FLT3: variants seen among roughly 807,000 people sequenced by gnomAD.
The protein encoded by FLT3 is receptor-type tyrosine-protein kinase FLT3.
Under a neutral mutation model 126.6 loss-of-function variants are expected in FLT3, and 46 were observed. That is an observed-to-expected ratio of 0.36 (90% CI 0.29 to 0.46). FLT3 has a LOEUF of 0.46. FLT3 is among the 20% of genes least tolerant of loss of function. The pLI, the probability that FLT3 is intolerant of heterozygous loss-of-function variation, is 1.00. For synonymous variants in FLT3, 404 were observed against 434.4 expected, an observed-to-expected ratio of 0.93 and a Z score of 0.87; for missense variants, 1,069 against 1,190.3, an observed-to-expected ratio of 0.90 and a Z score of 1.50.
intron 1 of FLT3, among the ~76,000 whole-genome samples, chr13:28,092,408 C>A (rs1879172453): frequency 6.6e-6 from 1 of 151,990 alleles, no homozygotes; most frequent in South Asian, 2.1e-4. Context: ...GCTCTACCAC[C>A]CAGGCTGGAG....
intron 5 of FLT3, among the ~76,000 whole-genome samples, chr13:28,050,838 A>AT (rs67915976): frequency 8.5e-4 from 63 of 74,540 alleles, no homozygotes; most frequent in Admixed American, 4.9e-3. Context: ...ATTTGGTCCT[A>AT]TTTTAAAAAA....
intron 9 of FLT3, among the ~76,000 whole-genome samples, chr13:28,044,902 A>C (rs1009693534): frequency 2.0e-5 from 3 of 152,218 alleles, no homozygotes; most frequent in Non-Finnish European, 4.4e-5. Flanking sequence ...TTCATTTATT[A>C]AACACACTTA....
At chr13:28,022,317 G>T (rs1399701465) in intron 19 of FLT3, among the ~76,000 whole-genome samples, 1 of 152,076 alleles carries the variant, frequency 6.6e-6, no homozygotes, top group Non-Finnish European at 1.5e-5. Flanking sequence ...TTCAAGACCA[G>T]CCTGGGCAAC....
chr13:28,057,423 G>C lies in FLT3; in HGVS notation c.408C>G (p.Thr136=). ...VSMVILKMTE[T]QAGEYLLFIQ... is the part of the protein sequence containing the mutation. ...TAAAAAGTAGGTATTCTCCAGCTTG[G>C]GTTTCTGTCATTTTCAAAATGACCA... Residue 136 remains threonine, a synonymous_variant, in exon 4 of 24, where the codon ACC becomes ACG. Transcript: ENST00000241453. 1 of 1,582,646 alleles carries C rather than the reference G, an allele frequency of 6.3e-7. No individual in the cohort carries two copies. Among genetic ancestry groups the C allele is most frequent in the Non-Finnish European group, 8.7e-7 (1 of 1,151,406 alleles).
intron 21 of FLT3, 74 bp downstream of exon 21, chr13:28,015,516 G>T: frequency 3.8e-6 from 3 of 797,760 alleles, no homozygotes; most frequent in Non-Finnish European, 2.1e-6. Context: ...GTTGGGGGGA[G>T]GGGTGGGGCG....
In FLT3 at chr13:28,018,587, A is replaced by G. The variant is rs751383392; in HGVS notation, c.2421T>C (p.Cys807=). The G allele has an allele frequency of 5.1e-5, 82 of 1,613,994 alleles. No individual in the cohort carries two copies. Among genetic ancestry groups the G allele is most frequent in the Admixed American group, 8.3e-5 (5 of 59,998 alleles). Residue 807 remains cysteine, a splice_region_variant and synonymous_variant, in exon 20 of 24, where the codon TGT becomes TGC. Transcript: ENST00000241453. ...TCCTGGCGGCCAGGTCTCTGTGAAC[A>G]CACTGTCAAGAATGACACCAGAGTG... ...KGMEFLEFKS[C]VHRDLAARNV... is the part of the protein sequence containing the mutation.
chr13:28,015,807 T>C, intron 20 of FLT3, 106 bp from the exon 21 acceptor site: 2 of 687,266 alleles, frequency 2.9e-6, no homozygotes, highest in South Asian at 3.4e-5. Flanking sequence ...AGACCACTCT[T>C]AATGCCTTAT....
chr13:28,044,693 AC>A (rs1874702911), intron 9 of FLT3, among the ~76,000 whole-genome samples: 1 of 152,150 alleles, frequency 6.6e-6, no homozygotes, highest in Admixed American at 6.5e-5. Context: ...AACACCTGGT[AC>A]ATTATCAGTA....
chr13:28,091,425 G>T (rs1326704179), intron 1 of FLT3, among the ~76,000 whole-genome samples: 3 of 149,894 alleles, frequency 2.0e-5, no homozygotes, highest in Admixed American at 1.3e-4. Flanking sequence ...GTTTCACCGT[G>T]TTAGCCAGGA....
intron 18 of FLT3, among the ~76,000 whole-genome samples, chr13:28,024,364 C>T (rs954037117): frequency 2.0e-5 from 3 of 151,984 alleles, no homozygotes; most frequent in Non-Finnish European, 4.4e-5. Flanking sequence ...AACTCCTGAC[C>T]TCAGGTGACC....
At chr13:28,008,296 A>AG (rs1423032630) in intron 23 of FLT3, among the ~76,000 whole-genome samples, 1 of 150,912 alleles carries the variant, frequency 6.6e-6, no homozygotes, top group East Asian at 1.9e-4. Flanking sequence ...AAAAAAAAAA[A>AG]AGGAAAAAAA....
rs1876614044 is a variant in FLT3 at position 28,062,027 on chromosome 13, G to A, written c.208C>T (p.Gln70Ter). The A allele has an allele frequency of 1.9e-6, 3 of 1,612,858 alleles. No homozygotes were observed. Among genetic ancestry groups the A allele is most frequent in the Non-Finnish European group, 2.5e-6 (3 of 1,179,976 alleles). Residue 70 changes from glutamine (Q) to a stop codon, truncating the protein, a stop_gained, in exon 3 of 24, where the codon CAG becomes TAG. Coordinates refer to ENST00000241453, the MANE Select transcript of FLT3 (RefSeq NM_004119.3). LOFTEE classifies it high-confidence loss of function. ...PEDLGCALRP[Q>*]SSGTVYEAAA... ...GCTTCGTACACTGTCCCTGAGCTCT[G>A]GGGTCTCAACGCACACCCGAGGTCT...
At chr13:28,050,561 AAGAG>A (rs1027085678) in intron 5 of FLT3, among the ~76,000 whole-genome samples, 3 of 152,178 alleles carry the variant, frequency 2.0e-5, no homozygotes, top group South Asian at 2.1e-4. Context: ...AAAGAGAAGA[AAGAG>A]AGAAGAGAAA....
At chr13:28,051,135 G>A (rs1007016111) in intron 5 of FLT3, among the ~76,000 whole-genome samples, 3 of 152,176 alleles carry the variant, frequency 2.0e-5, no homozygotes, top group African/African-American at 7.2e-5. Context: ...AGGCTATCTG[G>A]CTCTGGATTC....
chr13:28,079,371 A>G (rs538339434), intron 1 of FLT3, among the ~76,000 whole-genome samples: 63 of 152,244 alleles, frequency 4.1e-4, no homozygotes, highest in African/African-American at 1.3e-3. Context: ...AGTCTTTAGG[A>G]GGTTCCAAGC....
intron 5 of FLT3, among the ~76,000 whole-genome samples, 170 bp downstream of exon 5, chr13:28,052,375 C>T (rs555748269): frequency 3.9e-5 from 6 of 152,306 alleles, no homozygotes; most frequent in African/African-American, 1.2e-4. Context: ...GGATTACAGG[C>T]GTGAGCCACT....
At chr13:28,091,235 T>TTA (rs1879026677) in intron 1 of FLT3, among the ~76,000 whole-genome samples, 2 of 131,722 alleles carry the variant, frequency 1.5e-5, no homozygotes, top group African/African-American at 3.0e-5. Flanking sequence ...TTTTTTTTTT[T>TTA]TTTTGAGACG....
chr13:28,094,375 C>T (rs1393111629), intron 1 of FLT3, among the ~76,000 whole-genome samples: 1 of 152,056 alleles, frequency 6.6e-6, no homozygotes. Context: ...CTTATAATGA[C>T]AGCAGTAAAA....
At chr13:28,092,057 G>A (rs532662510) in intron 1 of FLT3, among the ~76,000 whole-genome samples, 164 of 152,238 alleles carry the variant, frequency 1.1e-3, no homozygotes, top group Non-Finnish European at 2.0e-3. Context: ...GTGATGGAGC[G>A]AGACTCCGTC....
Sources: gnomAD v4.1 joint callset for allele counts (sites outside exome capture counted in the v4.1 genomes callset) on GRCh38, gnomAD v4.1.1 for gene constraint, MANE v1.5 for transcripts, NCBI Gene and HGNC (gene_info 2026-07-23, HGNC 2026-07-21) for gene names.